Variants in SESN3 observed in about 807,000 individuals in gnomAD.
The protein encoded by SESN3 is sestrin 3.
Under a neutral mutation model 55.3 loss-of-function variants are expected in SESN3, and 21 were observed. The ratio of observed to expected loss-of-function variants is 0.38; its 90% CI spans 0.27 to 0.55. The LOEUF (loss-of-function observed/expected upper bound fraction) is 0.55. Ranked by LOEUF, SESN3 falls within the 20% of genes least tolerant of loss-of-function variation. The probability of loss-of-function intolerance (pLI) is 0.76; values close to 1 mark genes in which losing one functional copy is unlikely to be tolerated. For synonymous variants in SESN3, 181 were observed against 203.1 expected, an observed-to-expected ratio of 0.89 and a Z score of 0.93; for missense variants, 408 against 604.3, an observed-to-expected ratio of 0.68 and a Z score of 3.41.
intron 1 of SESN3, among the ~76,000 whole-genome samples, chr11:95,213,558 G>A (rs1860698269): frequency 1.3e-5 from 2 of 152,162 alleles, no homozygotes; most frequent in South Asian, 4.1e-4. Flanking sequence ...GAACAAGGGA[G>A]GCAGGCTGCC....
At chr11:95,201,343 A>G (rs1290719404) in intron 1 of SESN3, 1 of 152,080 alleles carries the variant, frequency 6.6e-6, no homozygotes, top group Non-Finnish European at 1.5e-5. Flanking sequence ...AGATGAATGG[A>G]TTCATTCCAG....
chr11:95,175,749 T>A, intron 8 of SESN3, 107 bp from the exon 9 acceptor site: 1 of 898,760 alleles, frequency 1.1e-6, no homozygotes, highest in Non-Finnish European at 1.7e-6. Context: ...TAAAAGCTCG[T>A]TAATTAATTG....
Position 95,218,086 on chromosome 11 carries a change from T to C in SESN3, c.78+12697A>G, listed in dbSNP as rs542605857. 3.3e-5 allele frequency among the ~76,000 whole-genome samples: 5 copies of C among 152,336 alleles called. No individual in the cohort carries two copies. In the South Asian group the frequency reaches 1.0e-3, roughly 32 times the overall value. On this transcript the variant is annotated intron_variant, in intron 1 of 9. Coordinates refer to ENST00000536441, the MANE Select transcript of SESN3 (RefSeq NM_144665.4). ...AGTAAGTGTAGGTTCATTTATTACATGACACATTTCTTGAGCACCACTATG... is the reference window on the plus strand; with the variant it reads ...AGTAAGTGTAGGTTCATTTATTACACGACACATTTCTTGAGCACCACTATG...
chr11:95,185,851 G>T (rs1860152857), intron 4 of SESN3, among the ~76,000 whole-genome samples: 2 of 151,818 alleles, frequency 1.3e-5, no homozygotes, highest in Admixed American at 6.6e-5. Flanking sequence ...TCATTTTAAG[G>T]TATATTGGAA....
chr11:95,209,363 T>C (rs542978697), intron 1 of SESN3, among the ~76,000 whole-genome samples: 1 of 149,672 alleles, frequency 6.7e-6, no homozygotes, highest in Admixed American at 6.7e-5. Flanking sequence ...CAAAAACACA[T>C]GATTAAATCA....
intron 3 of SESN3, 98 bp downstream of exon 3, chr11:95,191,306 C>G: frequency 1.1e-6 from 1 of 909,000 alleles, no homozygotes; most frequent in Non-Finnish European, 1.8e-6. Flanking sequence ...ATAAATTATA[C>G]TTAGCTCTAT....
At chr11:95,189,300 A>G (rs1860222845) in intron 4 of SESN3, among the ~76,000 whole-genome samples, 1 of 151,992 alleles carries the variant, frequency 6.6e-6, no homozygotes, top group African/African-American at 2.4e-5. Context: ...GCATTTAAGC[A>G]TTCACACACC....
chr11:95,222,661 G>A (rs929911325), intron 1 of SESN3, among the ~76,000 whole-genome samples: 4 of 152,176 alleles, frequency 2.6e-5, no homozygotes, highest in African/African-American at 9.7e-5. Context: ...TTATAATTCA[G>A]TATGCTAAGT....
Position 95,165,721 on chromosome 11 carries a change from T to A in SESN3, c.*7534A>T, listed in dbSNP as rs1429620125. 1 of 152,180 alleles carries A rather than the reference T, an allele frequency of 6.6e-6. No individual in the cohort carries two copies. Among genetic ancestry groups the A allele is most frequent in the Non-Finnish European group, 1.5e-5 (1 of 68,004 alleles). The allele number at this position is 152,180 out of a possible 1,614,324, so 9.4% of individuals were successfully genotyped here. A position where few individuals can be genotyped will look rare whatever the true frequency, so the allele number is the denominator to read the frequency against. ...GAATTGTTAACATGTTAATACACAG[T>A]TCCTTTATTTCAGATGTGTTTGTCT... On this transcript the variant is annotated 3_prime_UTR_variant, in exon 10 of 10. Transcript: ENST00000536441.
In SESN3 at chr11:95,177,189, C is replaced by T. The variant is rs539240081; in HGVS notation, c.1247+530G>A. On this transcript the variant is annotated intron_variant, in intron 8 of 9. Coordinates refer to ENST00000536441, the MANE Select transcript of SESN3 (RefSeq NM_144665.4). ...TTCAATCTCATGTACTTACTGTCCT[C>T]TCAATGCTAATTTTCTAAATTTAGA... 9.2e-5 allele frequency among the ~76,000 whole-genome samples: 14 copies of T among 152,258 alleles called. 1 individual carries two copies. The South Asian group carries it at 2.5e-3, about 27-fold the overall frequency.
At chr11:95,196,388 T>C (rs1233759831) in intron 1 of SESN3, among the ~76,000 whole-genome samples, 1 of 152,156 alleles carries the variant, frequency 6.6e-6, no homozygotes, top group Non-Finnish European at 1.5e-5. Flanking sequence ...CTTTTCTATC[T>C]CTGCATGCTT....
intron 4 of SESN3, among the ~76,000 whole-genome samples, chr11:95,188,849 A>T (rs1402537393): frequency 6.6e-6 from 1 of 151,876 alleles, no homozygotes; most frequent in East Asian, 1.9e-4. Flanking sequence ...TCTGGCACAA[A>T]GTAATTAAGA....
chr11:95,166,627 A>T lies in SESN3; in HGVS notation c.*6628T>A, dbSNP rs895015523. On this transcript the variant is annotated 3_prime_UTR_variant, in exon 10 of 10. Coordinates refer to ENST00000536441, the MANE Select transcript of SESN3 (RefSeq NM_144665.4). ...AAAAGATGCGTCCAGTTCTTCCATG[A>T]CCAGGAAAGTTATTTTCAGGCTTAA... 6.6e-6 allele frequency: 1 copy of T among 152,198 alleles called. No individual in the cohort carries two copies. Among genetic ancestry groups the T allele is most frequent in the African/African-American group, 2.4e-5 (1 of 41,450 alleles). The allele number at this position is 152,198 out of a possible 1,614,324, so 9.4% of individuals were successfully genotyped here.
At chr11:95,200,337 T>C (rs1426467528) in intron 1 of SESN3, among the ~76,000 whole-genome samples, 1 of 152,050 alleles carries the variant, frequency 6.6e-6, no homozygotes, top group Non-Finnish European at 1.5e-5. Flanking sequence ...CCACTATCTC[T>C]AAAAGAAAAA....
At chr11:95,206,741 A>G (rs1320858958) in intron 1 of SESN3, among the ~76,000 whole-genome samples, 1 of 152,076 alleles carries the variant, frequency 6.6e-6, no homozygotes, top group Non-Finnish European at 1.5e-5. Context: ...TTAGTGTACT[A>G]AATCAATAGT....
In SESN3 at chr11:95,207,918, C is replaced by T. The variant is rs767513834; in HGVS notation, c.79-14396G>A. ...CGAACTCAAGAGTTCAAGTGATCCACCTGCCTGGGCCTCCCACAGTGCTGG... is the reference window on the plus strand; with the variant it reads ...CGAACTCAAGAGTTCAAGTGATCCATCTGCCTGGGCCTCCCACAGTGCTGG... On this transcript the variant is annotated intron_variant, in intron 1 of 9. Transcript: ENST00000536441. 1.3e-5 allele frequency among the ~76,000 whole-genome samples: 2 copies of T among 151,262 alleles called. 1 individual carries two copies. Among genetic ancestry groups the T allele is most frequent in the Non-Finnish European group, 3.0e-5 (2 of 67,776 alleles).
intron 1 of SESN3, among the ~76,000 whole-genome samples, chr11:95,218,893 C>A (rs149591192): frequency 6.6e-6 from 1 of 152,132 alleles, no homozygotes; most frequent in Non-Finnish European, 1.5e-5. Context: ...ACCTCGTGAT[C>A]CGCCCGCCTC....
chr11:95,176,535 A>G (rs1483910549), intron 8 of SESN3, among the ~76,000 whole-genome samples: 1 of 152,232 alleles, frequency 6.6e-6, no homozygotes, highest in Non-Finnish European at 1.5e-5. Flanking sequence ...GTATAGGAAC[A>G]TAGACAGTAA....
intron 1 of SESN3, among the ~76,000 whole-genome samples, chr11:95,217,904 T>C (rs1163347938): frequency 1.3e-5 from 2 of 152,216 alleles, no homozygotes; most frequent in Non-Finnish European, 2.9e-5. Context: ...AAAAGTATTC[T>C]GAATGACTTG....
Sources: allele counts gnomAD v4.1 joint callset (sites outside exome capture counted in the v4.1 genomes callset), GRCh38; gene constraint gnomAD v4.1.1; transcripts MANE v1.5; gene names NCBI Gene and HGNC (gene_info 2026-07-23, HGNC 2026-07-21).